The following PANX1 variants were observed in gnomAD, a reference collection of about 807,000 sequenced individuals.
The protein encoded by PANX1 is pannexin-1.
Under a neutral mutation model 38.7 loss-of-function variants are expected in PANX1, and 30 were observed. That is an observed-to-expected ratio of 0.78 (90% CI 0.58 to 1.05). The LOEUF (loss-of-function observed/expected upper bound fraction) is 1.05. Ranked by LOEUF, PANX1 falls within the 50% of genes least tolerant of loss-of-function variation. PANX1 has a pLI of 0.00. For missense variants in PANX1, 551 were observed against 517.2 expected (o/e 1.07, Z -0.63); for synonymous variants, 230 against 212.2 (o/e 1.08, Z -0.73).
intron 2 of PANX1, among the ~76,000 whole-genome samples, chr11:94,161,386 T>C (rs11020666): frequency 0.48 from 72,332 of 152,034 alleles, 17,440 homozygotes; most frequent in Admixed American, 0.58. Context: ...TTTGGTCTTC[T>C]CACATAGTCC....
chr11:94,174,397 G>A (rs1947205970), intron 2 of PANX1, among the ~76,000 whole-genome samples: 4 of 151,362 alleles, frequency 2.6e-5, no homozygotes, highest in Admixed American at 2.6e-4. Flanking sequence ...AGAGGAAAGA[G>A]GATTCCAAAG....
In PANX1 at chr11:94,161,277, G is replaced by A. The variant is rs901553138; in HGVS notation, c.321+7647G>A. Reference sequence around the variant, plus strand: ...CTGAATCTGAATGTTGGCCTGACTTGCTAGATTGGGGAAGTTCTCCTGGAT... The same window carrying A: ...CTGAATCTGAATGTTGGCCTGACTTACTAGATTGGGGAAGTTCTCCTGGAT... On this transcript the variant is annotated intron_variant, in intron 2 of 4. Coordinates refer to ENST00000227638, the MANE Select transcript of PANX1 (RefSeq NM_015368.4). 4.6e-5 allele frequency among the ~76,000 whole-genome samples: 7 copies of A among 152,172 alleles called. No homozygotes were observed. The South Asian group carries it at 8.3e-4, about 18-fold the overall frequency.
chr11:94,153,415 C>A, intron 1 of PANX1, 76 bp from the exon 2 acceptor site: 1 of 1,529,638 alleles, frequency 6.5e-7, no homozygotes, highest in Non-Finnish European at 8.9e-7. Context: ...TTAGACAAAA[C>A]TAAAAACATG....
rs773590108 is a variant in PANX1, at chr11:94,180,140, G to A, written c.1084G>A (p.Asp362Asn). The A allele has an allele frequency of 3.5e-5, 56 of 1,613,648 alleles. No individual in the cohort carries two copies. Among genetic ancestry groups the A allele is most frequent in the Non-Finnish European group, 4.7e-5 (55 of 1,179,868 alleles). ...TATTAAGAGCAGTGGTCAGGGGATC[G>A]ACCCAATGCTACTCCTGACAAACCT... ...ENIKSSGQGI[D>N]PMLLLTNLGM... The change falls in exon 4 of 5, where the codon GAC becomes AAC. Residue 362 changes from aspartate to asparagine, a missense_variant. Physicochemically the swap from Asp to Asn is conservative, Grantham distance 23. Coordinates refer to ENST00000227638, the MANE Select transcript of PANX1 (RefSeq NM_015368.4).
intron 1 of PANX1, among the ~76,000 whole-genome samples, chr11:94,137,040 T>G (rs931854419): frequency 6.6e-6 from 1 of 151,984 alleles, no homozygotes; most frequent in African/African-American, 2.4e-5. Context: ...TTCTAGTGGC[T>G]CACACCTGTA....
chr11:94,157,528 A>G (rs1206866659), intron 2 of PANX1, among the ~76,000 whole-genome samples: 1 of 152,152 alleles, frequency 6.6e-6, no homozygotes, highest in Non-Finnish European at 1.5e-5. Flanking sequence ...GGCTGCATAA[A>G]TGTCTTCTTT....
chr11:94,129,589 G>C, intron 1 of PANX1, 96 bp downstream of exon 1: 4 of 1,128,210 alleles, frequency 3.5e-6, no homozygotes, highest in Non-Finnish European at 5.0e-6. Flanking sequence ...GGTACGCCCA[G>C]CTGTGATGGT....
intron 2 of PANX1, among the ~76,000 whole-genome samples, chr11:94,177,466 C>T (rs922004581): frequency 1.3e-5 from 2 of 152,046 alleles, no homozygotes; most frequent in African/African-American, 4.8e-5. Flanking sequence ...TTTGTCATTG[C>T]AGATCACATG....
chr11:94,165,753 A>C (rs1210215360), intron 2 of PANX1, among the ~76,000 whole-genome samples: 1 of 152,022 alleles, frequency 6.6e-6, no homozygotes, highest in Admixed American at 6.6e-5. Context: ...CCTTCTACAC[A>C]TACAAAATTA....
chr11:94,178,332 G>T, intron 2 of PANX1, 37 bp from the exon 3 acceptor site: 1 of 1,504,824 alleles, frequency 6.6e-7, no homozygotes, highest in Non-Finnish European at 9.3e-7. Flanking sequence ...TGCATGGGGG[G>T]TTTGTTAAGC....
chr11:94,167,846 A>C (rs889288225), intron 2 of PANX1, among the ~76,000 whole-genome samples: 1 of 152,232 alleles, frequency 6.6e-6, no homozygotes, highest in African/African-American at 2.4e-5. Context: ...TTAGTGGAAA[A>C]AATAAACATG....
At chr11:94,168,105 T>A (rs1256716910) in intron 2 of PANX1, among the ~76,000 whole-genome samples, 2 of 151,920 alleles carry the variant, frequency 1.3e-5, no homozygotes, top group Admixed American at 1.3e-4. Context: ...TTCTTCACAA[T>A]TTTTTTTCCC....
At chr11:94,147,638 G>A (rs901382518) in intron 1 of PANX1, among the ~76,000 whole-genome samples, 3 of 152,150 alleles carry the variant, frequency 2.0e-5, no homozygotes, top group East Asian at 1.9e-4. Context: ...TGTTCATACC[G>A]TCATTCCCAA....
chr11:94,138,106 G>T (rs528937955), intron 1 of PANX1, among the ~76,000 whole-genome samples: 5 of 151,986 alleles, frequency 3.3e-5, no homozygotes, highest in Admixed American at 6.6e-5. Context: ...AGTATACATA[G>T]ACATTTTTAA....
At chr11:94,180,397 G>A (rs573764184) in intron 4 of PANX1, 140 bp downstream of exon 4, 29 of 682,316 alleles carry the variant, frequency 4.3e-5, no homozygotes, top group Non-Finnish European at 9.7e-6. Flanking sequence ...AAGGTGCGGG[G>A]TAGGGGGAGT....
In PANX1 at chr11:94,148,794, A is replaced by G. The variant is rs78360168; in HGVS notation, c.182-4697A>G. 6.3e-3 allele frequency among the ~76,000 whole-genome samples: 966 copies of G among 152,306 alleles called. 4 individuals carry two copies. Among genetic ancestry groups the G allele is most frequent in the Non-Finnish European group, 9.6e-3 (652 of 68,040 alleles). ...GTATATGCTAATGATTGTACTTGAT[A>G]TAATCATCATCATATTCTCTGTTTT... On this transcript the variant is annotated intron_variant, in intron 1 of 4. Coordinates refer to ENST00000227638, the MANE Select transcript of PANX1 (RefSeq NM_015368.4).
chr11:94,178,168 GA>G (rs199551373), intron 2 of PANX1, among the ~76,000 whole-genome samples, 200 bp from the exon 3 acceptor site: 1 of 150,586 alleles, frequency 6.6e-6, no homozygotes, highest in African/African-American at 2.4e-5. Flanking sequence ...ACCTATGGAA[GA>G]AAAAAAAATA....
intron 2 of PANX1, among the ~76,000 whole-genome samples, chr11:94,164,326 G>T (rs1035058065): frequency 6.6e-6 from 1 of 152,052 alleles, no homozygotes; most frequent in African/African-American, 2.4e-5. Flanking sequence ...CTTTTTTGAT[G>T]TAGGTATTTA....
At chr11:94,175,015 A>G (rs1435862262) in intron 2 of PANX1, among the ~76,000 whole-genome samples, 1 of 151,640 alleles carries the variant, frequency 6.6e-6, no homozygotes, top group African/African-American at 2.4e-5. Flanking sequence ...CTCAATACTC[A>G]CTCGAACATC....
Sources: gnomAD v4.1 joint callset for allele counts (sites outside exome capture counted in the v4.1 genomes callset) on GRCh38, gnomAD v4.1.1 for gene constraint, MANE v1.5 for transcripts, NCBI Gene and HGNC (gene_info 2026-07-23, HGNC 2026-07-21) for gene names.